Variants in RBFOX1 observed in about 807,000 individuals in gnomAD.
RBFOX1 encodes RNA binding fox-1 homolog 1.
Under a neutral mutation model 57.7 loss-of-function variants are expected in RBFOX1, and 8 were observed. That is an observed-to-expected ratio of 0.14 (90% CI 0.08 to 0.25). The LOEUF (loss-of-function observed/expected upper bound fraction) is 0.25, where lower values mean the gene tolerates loss of function less well. Among genes scored for constraint, RBFOX1 ranks in the 10% least tolerant of loss-of-function variants. The pLI is 1.00. For synonymous variants in RBFOX1, 326 were observed against 222.4 expected (o/e 1.47, Z -4.15); for missense variants, 611 against 548.5 (o/e 1.11, Z -1.14).
chr16:7,474,962 A>G (rs1487934099), intron 4 of RBFOX1, among the ~76,000 whole-genome samples: 1 of 152,210 alleles, frequency 6.6e-6, no homozygotes, highest in African/African-American at 2.4e-5. Flanking sequence ...CAGAGCCGCC[A>G]TCTTTCCCTT....
intron 3 of RBFOX1, among the ~76,000 whole-genome samples, chr16:7,028,376 T>C (rs2153686512): frequency 1.3e-5 from 2 of 152,210 alleles, no homozygotes; most frequent in East Asian, 3.9e-4. Flanking sequence ...ATTTTATCTC[T>C]CTGATGCTTG....
intron 4 of RBFOX1, among the ~76,000 whole-genome samples, chr16:7,145,859 T>C (rs1467013636): frequency 1.3e-5 from 2 of 152,118 alleles, no homozygotes; most frequent in African/African-American, 4.8e-5. Flanking sequence ...CCAGTCCTCT[T>C]CCTTCATATA....
chr16:7,458,560 C>T (rs535192140), intron 4 of RBFOX1, among the ~76,000 whole-genome samples: 2 of 152,106 alleles, frequency 1.3e-5, no homozygotes, highest in Admixed American at 6.6e-5. Context: ...CTTCTCTGAC[C>T]TACTTCCCTA....
chr16:5,296,755 T>C (rs1294704124), intron 1 of RBFOX1, among the ~76,000 whole-genome samples: 3 of 151,692 alleles, frequency 2.0e-5, no homozygotes, highest in Non-Finnish European at 4.4e-5. Context: ...CCTGCCTCAC[T>C]GTAACCTCTG....
chr16:6,620,874 A>G (rs1398166543), intron 2 of RBFOX1, among the ~76,000 whole-genome samples: 3 of 152,226 alleles, frequency 2.0e-5, no homozygotes, highest in African/African-American at 7.2e-5. Flanking sequence ...AATCCCTTGT[A>G]TTAGTTTGAT....
intron 2 of RBFOX1, among the ~76,000 whole-genome samples, chr16:6,341,792 A>T (rs1189014404): frequency 6.6e-6 from 1 of 152,080 alleles, no homozygotes; most frequent in African/African-American, 2.4e-5. Context: ...TTTGGTTTGC[A>T]TTGTGGGCTC....
chr16:6,245,905 T>C (rs948924563), intron 1 of RBFOX1, among the ~76,000 whole-genome samples: 1 of 152,218 alleles, frequency 6.6e-6, no homozygotes, highest in East Asian at 1.9e-4. Context: ...CTCATGTCCT[T>C]ATTCATAGCT....
chr16:5,897,450 C>T (rs1230960869), intron 4 of RBFOX1, among the ~76,000 whole-genome samples: 3 of 152,194 alleles, frequency 2.0e-5, no homozygotes, highest in African/African-American at 7.2e-5. Flanking sequence ...ATATTCCTAT[C>T]ATCACTACCT....
Position 7,083,827 on chromosome 16 carries a change from G to A in RBFOX1, c.27+31729G>A, listed in dbSNP as rs139794533. Among the ~76,000 whole-genome samples, 86 of 152,246 alleles carry A rather than the reference G, an allele frequency of 5.6e-4. No individual in the cohort carries two copies. In the East Asian group the frequency reaches 0.016, roughly 28 times the overall value. On this transcript the variant is annotated intron_variant, in intron 4 of 15. Coordinates refer to ENST00000550418, the MANE Select transcript of RBFOX1 (RefSeq NM_018723.4). ...TGACATTTGCTTTCAGGTACACATA[G>A]TGCATCTTGGCTTGGTGGCTCCCTT...
intron 4 of RBFOX1, among the ~76,000 whole-genome samples, chr16:7,426,888 A>G (rs1247878300): frequency 6.6e-6 from 1 of 151,872 alleles, no homozygotes; most frequent in Non-Finnish European, 1.5e-5. Context: ...GCTTGTTAAA[A>G]CCTCTGAGTC....
chr16:7,230,881 A>G (rs1323416452), intron 4 of RBFOX1, among the ~76,000 whole-genome samples: 3 of 152,104 alleles, frequency 2.0e-5, no homozygotes, highest in Non-Finnish European at 2.9e-5. Flanking sequence ...ATAGTTCCTC[A>G]TTTTGTAGAA....
chr16:7,360,082 A>G (rs2097292692), intron 4 of RBFOX1, among the ~76,000 whole-genome samples: 1 of 152,150 alleles, frequency 6.6e-6, no homozygotes, highest in Admixed American at 6.5e-5. Context: ...CAACTTAAAT[A>G]TTCCCTCCCC....
intron 1 of RBFOX1, among the ~76,000 whole-genome samples, chr16:6,040,077 T>A (rs758033588): frequency 6.6e-6 from 1 of 152,248 alleles, no homozygotes; most frequent in Non-Finnish European, 1.5e-5. Context: ...CTGATCTCAG[T>A]GTGGTGTATT....
chr16:5,706,978 G>A lies in RBFOX1; in HGVS notation c.318+108017G>A, dbSNP rs552968520. 5.3e-5 allele frequency among the ~76,000 whole-genome samples: 8 copies of A among 152,184 alleles called. No individual in the cohort carries two copies. The East Asian group carries it at 5.8e-4, about 11-fold the overall frequency. ...TTTCAGCAGGGAGAAGAAGCCAAGC[G>A]TCCTGCGTAAAAGCAATTATTTGTC... On this transcript the variant is annotated intron_variant, in intron 3 of 19. Coordinates refer to the RBFOX1 transcript ENST00000641259.
chr16:7,357,708 C>A (rs542405852), intron 4 of RBFOX1, among the ~76,000 whole-genome samples: 73 of 152,292 alleles, frequency 4.8e-4, no homozygotes, highest in African/African-American at 1.5e-3. Flanking sequence ...TTGCCCTGCC[C>A]ATGCTCAGAG....
intron 1 of RBFOX1, among the ~76,000 whole-genome samples, chr16:6,198,913 C>G (rs970265529): frequency 6.6e-6 from 1 of 151,856 alleles, no homozygotes; most frequent in African/African-American, 2.4e-5. Context: ...TCCCTATCAT[C>G]CGCTTCTTTT....
intron 2 of RBFOX1, among the ~76,000 whole-genome samples, chr16:5,475,474 C>G (rs1390115571): frequency 1.3e-5 from 2 of 152,214 alleles, no homozygotes; most frequent in Admixed American, 6.5e-5. Flanking sequence ...TTGCATTTTT[C>G]TGCACCTTCT....
At chr16:5,725,401 C>A (rs1487669220) in intron 3 of RBFOX1, among the ~76,000 whole-genome samples, 2 of 151,826 alleles carry the variant, frequency 1.3e-5, no homozygotes, top group Non-Finnish European at 1.5e-5. Flanking sequence ...GCACCACTGC[C>A]CCCAGCTAAT....
At chr16:5,794,126 A>G (rs2054795866) in intron 3 of RBFOX1, among the ~76,000 whole-genome samples, 2 of 152,166 alleles carry the variant, frequency 1.3e-5, no homozygotes, top group Admixed American at 6.5e-5. Context: ...CATATGATTT[A>G]ATCTCTTGGG....
Sources: gnomAD v4.1 joint callset for allele counts (sites outside exome capture counted in the v4.1 genomes callset) on GRCh38, gnomAD v4.1.1 for gene constraint, MANE v1.5 for transcripts, NCBI Gene and HGNC (gene_info 2026-07-23, HGNC 2026-07-21) for gene names.